The following SNTG1 variants were observed in gnomAD, a reference collection of about 807,000 sequenced individuals.
SNTG1 encodes the protein gamma-1-syntrophin.
A neutral mutation model predicts 74.7 loss-of-function variants in SNTG1; 39 were observed. The ratio of observed to expected loss-of-function variants is 0.52; its 90% confidence interval spans 0.40 to 0.68. SNTG1 has a LOEUF of 0.68. SNTG1 is among the 30% of genes least tolerant of loss of function. The pLI, the probability that SNTG1 is intolerant of heterozygous loss-of-function variation, is 0.00. For missense variants in SNTG1, 685 were observed against 609.5 expected (o/e 1.12, Z -1.30); for synonymous variants, 254 against 217.1 (o/e 1.17, Z -1.49).
chr8:50,401,477 G>T (rs2092804870), intron 3 of SNTG1, among the ~76,000 whole-genome samples: 1 of 152,144 alleles, frequency 6.6e-6, no homozygotes. Context: ...AAACACATTG[G>T]ATTAGGCATC....
chr8:50,737,647 G>A (rs915962611), intron 17 of SNTG1, among the ~76,000 whole-genome samples: 1 of 152,106 alleles, frequency 6.6e-6, no homozygotes, highest in African/African-American at 2.4e-5. Context: ...GAATATCAGT[G>A]AGAAAATCCT....
chr8:50,303,364 A>C (rs1348743541), intron 2 of SNTG1, among the ~76,000 whole-genome samples: 1 of 152,066 alleles, frequency 6.6e-6, no homozygotes, highest in Non-Finnish European at 1.5e-5. Flanking sequence ...AATATGCTAA[A>C]ATTTCTCAAT....
chr8:50,006,856 A>T (rs1447315267), intron 1 of SNTG1, among the ~76,000 whole-genome samples: 1 of 152,156 alleles, frequency 6.6e-6, no homozygotes, highest in East Asian at 1.9e-4. Flanking sequence ...AAAAAGTGGA[A>T]TGATGAGGAG....
Position 50,676,524 on chromosome 8 carries a change from TC to T in SNTG1, c.1038+17863del, listed in dbSNP as rs553256110. On this transcript the variant is annotated intron_variant, in intron 15 of 18. Coordinates refer to ENST00000642720, the MANE Select transcript of SNTG1 (RefSeq NM_018967.5). ...TAAACTGGTTACTCTAGTTAACAGT[TC>T]CTCTAACCTTTTATCAAGGTTTTTA... Among the ~76,000 whole-genome samples, 144 of 152,090 alleles carry T rather than the reference TC, an allele frequency of 9.5e-4. 1 individual carries two copies. The highest frequency in any genetic ancestry group is 3.4e-3 in the African/African-American group (140 of 41,556).
At chr8:50,541,196 T>A (rs1480883306) in intron 11 of SNTG1, among the ~76,000 whole-genome samples, 2 of 151,880 alleles carry the variant, frequency 1.3e-5, no homozygotes, top group Non-Finnish European at 2.9e-5. Flanking sequence ...TAATACAATA[T>A]CCCAACCAGG....
chr8:50,636,375 G>A (rs1221117533), intron 13 of SNTG1, among the ~76,000 whole-genome samples: 2 of 151,976 alleles, frequency 1.3e-5, no homozygotes, highest in East Asian at 3.9e-4. Flanking sequence ...CAGCTCTTGT[G>A]GTCTAGACCA....
intron 18 of SNTG1, among the ~76,000 whole-genome samples, chr8:50,782,620 A>G (rs2095662941): frequency 7.2e-6 from 1 of 139,226 alleles, no homozygotes; most frequent in Non-Finnish European, 1.6e-5. Context: ...ATTTTTTTCA[A>G]AGGTTTCAAC....
At chr8:50,101,300 A>G (rs925242102) in intron 1 of SNTG1, among the ~76,000 whole-genome samples, 3 of 152,088 alleles carry the variant, frequency 2.0e-5, no homozygotes, top group Non-Finnish European at 4.4e-5. Flanking sequence ...ATAGTCAGTA[A>G]TAGGATTGTT....
At chr8:49,990,161 TATG>T (rs1183882468) in intron 1 of SNTG1, among the ~76,000 whole-genome samples, 1 of 151,956 alleles carries the variant, frequency 6.6e-6, no homozygotes, top group Non-Finnish European at 1.5e-5. Flanking sequence ...TTAGAAATCA[TATG>T]ATCTTGTACA....
At position 50,010,101 on chromosome 8, in the gene SNTG1, C is replaced by G. The variant is rs569823531; in HGVS notation, c.-103+97870C>G. ...ACTTTCTTAATGATTTTCTTGTAAT[C>G]AGTTTGTTTTAAAAGAAAGCCACTA... is the stretch of plus-strand genomic sequence containing the variant. On this transcript the variant is annotated intron_variant, in intron 1 of 18. Coordinates refer to ENST00000642720, the MANE Select transcript of SNTG1 (RefSeq NM_018967.5). Among the ~76,000 whole-genome samples, 12 of 152,184 alleles carry G rather than the reference C, an allele frequency of 7.9e-5. No individual in the cohort carries two copies. In the East Asian group the frequency reaches 1.7e-3, roughly 22 times the overall value.
intron 17 of SNTG1, among the ~76,000 whole-genome samples, chr8:50,741,642 G>A (rs1379863406): frequency 6.6e-6 from 1 of 151,992 alleles, no homozygotes; most frequent in East Asian, 1.9e-4. Context: ...ACTTTAGTAT[G>A]TGAATGGATA....
intron 13 of SNTG1, among the ~76,000 whole-genome samples, chr8:50,637,353 G>A (rs1053156172): frequency 6.6e-6 from 1 of 151,894 alleles, no homozygotes; most frequent in East Asian, 1.9e-4. Flanking sequence ...CTTATTTGCA[G>A]AAAAAATGTC....
At chr8:50,554,926 C>T (rs2094447286) in intron 12 of SNTG1, among the ~76,000 whole-genome samples, 1 of 151,698 alleles carries the variant, frequency 6.6e-6, no homozygotes, top group South Asian at 2.1e-4. Context: ...AGTTTTTTTT[C>T]CTTATCTAGA....
At chr8:50,758,457 C>T (rs1347825603) in intron 18 of SNTG1, among the ~76,000 whole-genome samples, 1 of 151,948 alleles carries the variant, frequency 6.6e-6, no homozygotes, top group Non-Finnish European at 1.5e-5. Context: ...CCTGCTAATG[C>T]TATCCCTTCC....
At chr8:50,041,654 C>T (rs1474264162) in intron 1 of SNTG1, among the ~76,000 whole-genome samples, 1 of 152,086 alleles carries the variant, frequency 6.6e-6, no homozygotes, top group Non-Finnish European at 1.5e-5. Context: ...TGCAGGAAAT[C>T]TGTTAAGGGA....
chr8:50,492,765 T>C (rs2093869291), intron 8 of SNTG1, among the ~76,000 whole-genome samples: 1 of 152,248 alleles, frequency 6.6e-6, no homozygotes, highest in Non-Finnish European at 1.5e-5. Flanking sequence ...TTTTGGCTTT[T>C]GTTGCCATTG....
chr8:50,542,844 A>G (rs1335092703), intron 11 of SNTG1, among the ~76,000 whole-genome samples: 2 of 152,086 alleles, frequency 1.3e-5, no homozygotes, highest in African/African-American at 4.8e-5. Context: ...ATGATTAGTG[A>G]TATTGAGCAA....
intron 2 of SNTG1, among the ~76,000 whole-genome samples, chr8:50,378,732 A>G (rs1411097439): frequency 2.0e-5 from 3 of 152,020 alleles, no homozygotes; most frequent in Non-Finnish European, 4.4e-5. Flanking sequence ...TCCTCTCTGC[A>G]GACAGGTTGT....
At chr8:50,483,501 G>T (rs537264910) in intron 8 of SNTG1, among the ~76,000 whole-genome samples, 1 of 152,136 alleles carries the variant, frequency 6.6e-6, no homozygotes, top group East Asian at 1.9e-4. Flanking sequence ...TCATGAAAGT[G>T]CTAGCACAGC....
Sources: allele counts gnomAD v4.1 joint callset (sites outside exome capture counted in the v4.1 genomes callset), GRCh38; gene constraint gnomAD v4.1.1; transcripts MANE v1.5; gene names NCBI Gene and HGNC (gene_info 2026-07-23, HGNC 2026-07-21).